RPTOR: variants seen among roughly 807,000 people sequenced by gnomAD.
The protein encoded by RPTOR is regulatory associated protein of MTOR complex 1.
A neutral mutation model predicts 169.9 loss-of-function variants in RPTOR; 21 were observed. That is an observed-to-expected ratio of 0.12 (90% CI 0.09 to 0.18). RPTOR has a LOEUF of 0.18. Ranked by LOEUF, RPTOR falls within the 10% of genes least tolerant of loss-of-function variation. The pLI is 1.00. For missense variants in RPTOR, 1,133 were observed against 1,855.9 expected, an observed-to-expected ratio of 0.61 and a Z score of 7.16; for synonymous variants, 732 against 753.2, an observed-to-expected ratio of 0.97 and a Z score of 0.46.
At position 80,708,608 on chromosome 17, in the gene RPTOR, T is replaced by G. The variant is rs62067892; in HGVS notation, c.507+609T>G. On this transcript the variant is annotated intron_variant, in intron 4 of 33. Transcript: ENST00000306801. The surrounding 1 kb of genome is among the most constrained non-coding windows in gnomAD (Gnocchi z 4.2). ...ACTGTTGTCCCCACCCTCCAGGGTG[T>G]GGTGGGTGCTGACTGTCTCCTCATC... 0.078 allele frequency among the ~76,000 whole-genome samples: 10,876 copies of G among 139,912 alleles called. 671 individuals are homozygous for G. The highest frequency in any genetic ancestry group is 0.13 in the African/African-American group (4,364 of 34,672). The allele number at this position is 139,912 out of a possible 152,430, so 91.8% of individuals were successfully genotyped here. A position where few individuals can be genotyped will look rare whatever the true frequency, so the allele number is the denominator to read the frequency against.
rs1459964372 is a variant in RPTOR, at chr17:80,947,921, G to A, written c.3265+570G>A. ...TTCTTGGGTTTTCGGGGGGTTTTTT[G>A]GAGGGGTCCGAAATGTCTTAGTTTC... On this transcript the variant is annotated intron_variant, in intron 27 of 33. Transcript: ENST00000306801. The surrounding 1 kb of genome is among the most constrained non-coding windows in gnomAD (Gnocchi z 4.4). Among the ~76,000 whole-genome samples the A allele has an allele frequency of 1.3e-5, 2 of 152,200 alleles. No homozygotes were observed. The highest frequency in any genetic ancestry group is 2.9e-5 in the Non-Finnish European group (2 of 68,038).
chr17:80,723,850 A>C (rs2066307585), intron 4 of RPTOR, among the ~76,000 whole-genome samples: 1 of 151,448 alleles, frequency 6.6e-6, no homozygotes, highest in African/African-American at 2.5e-5. Context: ...ATCTTTCCAG[A>C]AGTTTGGTGA....
At chr17:80,639,684 C>T (rs767133048) in intron 2 of RPTOR, among the ~76,000 whole-genome samples, 3 of 152,210 alleles carry the variant, frequency 2.0e-5, no homozygotes, top group Non-Finnish European at 2.9e-5. Context: ...GTGCCTGGGG[C>T]ACCACTCTTT....
rs1000785691 is a variant in RPTOR, at chr17:80,699,850, G to C, written c.349-7991G>C. On this transcript the variant is annotated intron_variant, in intron 3 of 33. Transcript: ENST00000306801. ...CTAGAGGTGCTGTGCACGGTACCCTGGTACAGTGATGGGGAGCTAGAGGTG... is the reference window on the plus strand; with the variant it reads ...CTAGAGGTGCTGTGCACGGTACCCTCGTACAGTGATGGGGAGCTAGAGGTG... Among the ~76,000 whole-genome samples the C allele has an allele frequency of 2.0e-5, 3 of 149,972 alleles. No homozygotes were observed. In the East Asian group the frequency reaches 5.9e-4, roughly 30 times the overall value.
chr17:80,626,241 T>TG (rs1457319912), intron 2 of RPTOR, among the ~76,000 whole-genome samples: 1 of 151,960 alleles, frequency 6.6e-6, no homozygotes, highest in Non-Finnish European at 1.5e-5. Context: ...TTAGTAGAGA[T>TG]GGGGTTTCAC....
At chr17:80,862,572 C>CCCT (rs138338959) in intron 13 of RPTOR, among the ~76,000 whole-genome samples, 63 of 80,238 alleles carry the variant, frequency 7.9e-4, no homozygotes, top group Middle Eastern at 6.1e-3. Context: ...CTGCTCCGCC[C>CCCT]CCTCGTGTTG....
intron 1 of RPTOR, among the ~76,000 whole-genome samples, chr17:80,546,139 A>T (rs2084271533): frequency 6.6e-6 from 1 of 152,226 alleles, no homozygotes; most frequent in Non-Finnish European, 1.5e-5. Flanking sequence ...CGTGCGATAT[A>T]ATCTTTATAC....
At chr17:80,760,556 C>G (rs570234337) in intron 6 of RPTOR, among the ~76,000 whole-genome samples, 76 of 152,282 alleles carry the variant, frequency 5.0e-4, no homozygotes, top group African/African-American at 1.8e-3. Context: ...CCCGCCTCAG[C>G]CTTCCAAAGT....
rs116413417 is a variant in RPTOR, at chr17:80,920,168, G to A, written c.2521-2556G>A. ...CAGCTCTGCAGCTCCTGCTCGCTGCGTACCCTGTCCTCACACCGACACCGC... is the reference window on the plus strand; with the variant it reads ...CAGCTCTGCAGCTCCTGCTCGCTGCATACCCTGTCCTCACACCGACACCGC... On this transcript the variant is annotated intron_variant, in intron 21 of 33. Transcript: ENST00000306801. Among the ~76,000 whole-genome samples the A allele has an allele frequency of 5.1e-3, 782 of 152,302 alleles. 5 individuals are homozygous for A. Among genetic ancestry groups the A allele is most frequent in the African/African-American group, 0.017 (701 of 41,544 alleles).
intron 20 of RPTOR, among the ~76,000 whole-genome samples, chr17:80,904,125 CG>C (rs1004996160): frequency 3.9e-5 from 6 of 152,156 alleles, no homozygotes; most frequent in African/African-American, 1.4e-4. Context: ...GCAGGGCCCA[CG>C]GCTCCGGCCG....
chr17:80,684,323 A>G (rs955821660), intron 3 of RPTOR, among the ~76,000 whole-genome samples: 2 of 150,760 alleles, frequency 1.3e-5, no homozygotes, highest in African/African-American at 4.9e-5. Flanking sequence ...CATCTCCCCA[A>G]TCCTGTTTCC....
chr17:80,709,217 A>G, intron 4 of RPTOR: 1 of 444,450 alleles, frequency 2.2e-6, no homozygotes, highest in Non-Finnish European at 3.0e-6. Context: ...AATATTGAGT[A>G]AATTCAAAAC....
chr17:80,641,616 A>G (rs2065554926), intron 2 of RPTOR, among the ~76,000 whole-genome samples: 2 of 152,262 alleles, frequency 1.3e-5, no homozygotes, highest in Non-Finnish European at 2.9e-5. Context: ...TGTCCAGTGC[A>G]TATAAAAGTT....
chr17:80,730,759 G>T lies in RPTOR; in HGVS notation c.654+53G>T. 1.3e-6 allele frequency: 2 copies of T among 1,519,304 alleles called. No homozygotes were observed. The highest frequency in any genetic ancestry group is 1.8e-6 in the Non-Finnish European group (2 of 1,107,352). The allele number at this position is 1,519,304 out of a possible 1,614,324, so 94.1% of individuals were successfully genotyped here. Reference sequence around the variant, plus strand: ...TGCTGGGTTTGGTTTTGTTTTCCCTGGGGGTGGGGTTTGGGTGGGGAGGTT... The same window carrying T: ...TGCTGGGTTTGGTTTTGTTTTCCCTTGGGGTGGGGTTTGGGTGGGGAGGTT... On this transcript the variant is annotated intron_variant, in intron 5 of 33. Coordinates refer to ENST00000306801, the MANE Select transcript of RPTOR (RefSeq NM_020761.3). The surrounding 1 kb of genome is among the most constrained non-coding windows in gnomAD (Gnocchi z 4.2).
intron 3 of RPTOR, among the ~76,000 whole-genome samples, chr17:80,660,422 T>C (rs964136475): frequency 6.6e-6 from 1 of 152,170 alleles, no homozygotes; most frequent in Non-Finnish European, 1.5e-5. Flanking sequence ...CTTAGTGACA[T>C]AGAAGACAGT....
intron 21 of RPTOR, among the ~76,000 whole-genome samples, 168 bp downstream of exon 21, chr17:80,909,097 G>C (rs1469060679): frequency 6.6e-6 from 1 of 152,220 alleles, no homozygotes; most frequent in Non-Finnish European, 1.5e-5. Context: ...ACCCCAAACT[G>C]TGTCTGTGCA....
chr17:80,892,838 A>G lies in RPTOR; in HGVS notation c.2211A>G (p.Lys737=), dbSNP rs756622221. 1.2e-5 allele frequency: 19 copies of G among 1,614,204 alleles called. No individual in the cohort carries two copies. The South Asian group carries it at 2.1e-4, about 18-fold the overall frequency. The change falls in exon 19 of 34, where the codon AAA becomes AAG. Residue 737 remains lysine, a synonymous_variant. Coordinates refer to ENST00000306801, the MANE Select transcript of RPTOR (RefSeq NM_020761.3). ...RAVATARSLN[K]SLQNLSLTEE... is the part of the protein sequence containing the mutation. ...TCGCCACAGCCAGGAGCCTCAACAAATCTTTGCAGAACCTGAGTTTGACAG... is the reference window on the plus strand; with the variant it reads ...TCGCCACAGCCAGGAGCCTCAACAAGTCTTTGCAGAACCTGAGTTTGACAG...
At position 80,589,760 on chromosome 17, in the gene RPTOR, C is replaced by T. The variant is rs146056299; in HGVS notation, c.163-35931C>T. On this transcript the variant is annotated intron_variant, in intron 1 of 33. Coordinates refer to ENST00000306801, the MANE Select transcript of RPTOR (RefSeq NM_020761.3). ...AGTTTTCGTTTTGTTTTTTTTCAATCGACTGATTTGTATCCAGCAACCTTA... is the reference window on the plus strand; with the variant it reads ...AGTTTTCGTTTTGTTTTTTTTCAATTGACTGATTTGTATCCAGCAACCTTA... 1.0e-3 allele frequency among the ~76,000 whole-genome samples: 158 copies of T among 151,896 alleles called. 1 individual carries two copies. Among genetic ancestry groups the T allele is most frequent in the African/African-American group, 3.6e-3 (148 of 41,430 alleles).
intron 3 of RPTOR, among the ~76,000 whole-genome samples, chr17:80,703,862 A>G (rs1225575688): frequency 3.9e-5 from 6 of 152,250 alleles, no homozygotes; most frequent in Non-Finnish European, 8.8e-5. Flanking sequence ...TTTAATTTAC[A>G]TAACGGCCCA....
Sources: gnomAD v4.1 joint callset for allele counts (sites outside exome capture counted in the v4.1 genomes callset) on GRCh38, gnomAD v4.1.1 for gene constraint, Gnocchi (gnomAD v3.1) non-coding constraint, MANE v1.5 for transcripts, NCBI Gene and HGNC (gene_info 2026-07-23, HGNC 2026-07-21) for gene names.